Variants in CTBP2 observed in about 807,000 individuals in gnomAD.
CTBP2 encodes C-terminal-binding protein 2.
A neutral mutation model predicts 80.3 loss-of-function variants in CTBP2; 30 were observed. That is an observed-to-expected ratio of 0.37 (90% CI 0.28 to 0.51). The LOEUF is 0.51. Ranked by LOEUF, CTBP2 falls within the 20% of genes least tolerant of loss-of-function variation. The probability of loss-of-function intolerance (pLI) is 0.93; values close to 1 mark genes in which losing one functional copy is unlikely to be tolerated. For synonymous variants in CTBP2, 594 were observed against 587.4 expected (o/e 1.01, Z -0.16); for missense variants, 1,212 against 1,375.3 (o/e 0.88, Z 1.88).
Position 125,107,141 on chromosome 10 carries a change from G to A in CTBP2, c.-102+3849C>T, listed in dbSNP as rs545566029. 2.6e-5 allele frequency among the ~76,000 whole-genome samples: 4 copies of A among 152,206 alleles called. No individual in the cohort carries two copies. In the South Asian group the frequency reaches 6.2e-4, roughly 24 times the overall value. ...CCAAGCAAGAACCAAGAGCTTCAGC[G>A]GGGGCCCCTCCTCCCCTACTCCGAA... On this transcript the variant is annotated intron_variant, in intron 2 of 10. Coordinates refer to the CTBP2 transcript ENST00000337195.
chr10:125,155,264 C>T (rs1430813455), intron 1 of CTBP2, among the ~76,000 whole-genome samples: 1 of 152,224 alleles, frequency 6.6e-6, no homozygotes, highest in Non-Finnish European at 1.5e-5. Context: ...CCGTCCACAG[C>T]TCCTGAAGTT....
At chr10:125,105,526 C>T (rs1013056460) in intron 2 of CTBP2, among the ~76,000 whole-genome samples, 7 of 152,174 alleles carry the variant, frequency 4.6e-5, no homozygotes, top group African/African-American at 1.7e-4. Flanking sequence ...CACTTCTGAG[C>T]TATTTTATCA....
chr10:125,136,114 G>A (rs1351937486), intron 1 of CTBP2, among the ~76,000 whole-genome samples: 1 of 152,228 alleles, frequency 6.6e-6, no homozygotes, highest in South Asian at 2.1e-4. Context: ...GTAGGATTAA[G>A]CTGGGATCTT....
chr10:125,102,465 T>C (rs1850779212), intron 2 of CTBP2, among the ~76,000 whole-genome samples: 1 of 152,224 alleles, frequency 6.6e-6, no homozygotes, highest in Admixed American at 6.5e-5. Flanking sequence ...CAGAGAGGGC[T>C]TTCCGGCCTT....
At chr10:125,079,784 T>C (rs2135546163) in intron 2 of CTBP2, among the ~76,000 whole-genome samples, 1 of 152,374 alleles carries the variant, frequency 6.6e-6, no homozygotes, top group African/African-American at 2.4e-5. Context: ...ACTATTCCAA[T>C]GGAGAGTTTA....
At chr10:125,139,887 G>C (rs982070215) in intron 1 of CTBP2, among the ~76,000 whole-genome samples, 2 of 152,186 alleles carry the variant, frequency 1.3e-5, no homozygotes, top group African/African-American at 4.8e-5. Flanking sequence ...AAGGTCCCCA[G>C]ATCACCTTTC....
chr10:125,137,134 T>C (rs929948725), intron 1 of CTBP2, among the ~76,000 whole-genome samples: 7 of 152,162 alleles, frequency 4.6e-5, no homozygotes, highest in Admixed American at 2.6e-4. Flanking sequence ...AAAATCACAA[T>C]TCGCCAAGAT....
chr10:125,136,872 A>ATGTTT (rs1430395586), intron 1 of CTBP2, among the ~76,000 whole-genome samples: 1 of 152,142 alleles, frequency 6.6e-6, no homozygotes, highest in Non-Finnish European at 1.5e-5. Flanking sequence ...TGGTAACAGG[A>ATGTTT]TGTTTCCCTG....
intron 1 of CTBP2, among the ~76,000 whole-genome samples, chr10:125,020,969 T>A (rs936834926): frequency 2.0e-5 from 3 of 152,158 alleles, no homozygotes; most frequent in Non-Finnish European, 2.9e-5. Flanking sequence ...TGCACAAAAC[T>A]GAGGACCACA....
chr10:125,028,022 G>A lies in CTBP2; in HGVS notation c.-263C>T, dbSNP rs989829597. ...CTGTTCCTTACAGCTCAGTCCCGGA[G>A]AGGAGGCTGTCCCCAGCCTGCCAGG... On this transcript the variant is annotated 5_prime_UTR_variant, in exon 1 of 9. Transcript: ENST00000309035. 20 of 933,234 alleles carry A rather than the reference G, an allele frequency of 2.1e-5. No individual in the cohort carries two copies. Among genetic ancestry groups the A allele is most frequent in the African/African-American group, 3.4e-5 (2 of 59,682 alleles). The allele number at this position is 933,234 out of a possible 1,614,324, so 57.8% of individuals were successfully genotyped here. A position where few individuals can be genotyped will look rare whatever the true frequency, so the allele number is the denominator to read the frequency against.
chr10:125,047,023 T>A (rs1961429339), intron 2 of CTBP2, among the ~76,000 whole-genome samples: 1 of 152,358 alleles, frequency 6.6e-6, no homozygotes, highest in Admixed American at 6.5e-5. Flanking sequence ...GGAAATTAAG[T>A]GTTGGTCTTT....
intron 1 of CTBP2, among the ~76,000 whole-genome samples, chr10:125,119,056 T>G (rs1853860042): frequency 6.6e-6 from 1 of 152,116 alleles, no homozygotes; most frequent in African/African-American, 2.4e-5. Context: ...CCTGATAGGG[T>G]GACCAAGAGG....
chr10:125,076,189 G>C (rs1338719865), intron 2 of CTBP2, among the ~76,000 whole-genome samples: 1 of 152,052 alleles, frequency 6.6e-6, no homozygotes, highest in African/African-American at 2.4e-5. Context: ...TAACACCACA[G>C]GCAGCATCCA....
rs1261890453 is a variant in CTBP2 at position 124,987,696 on chromosome 10, C to T, written c.*1822G>A. ...TGGTAGAGTTGGGATGGGGCCACCA[C>T]CTTAAAATGAGTGAGCAGACAAGGC... On this transcript the variant is annotated 3_prime_UTR_variant, in exon 9 of 9. Coordinates refer to ENST00000309035, the MANE Select transcript of CTBP2 (RefSeq NM_022802.3). 1 of 152,244 alleles carries T rather than the reference C, an allele frequency of 6.6e-6. No individual in the cohort carries two copies. The highest frequency in any genetic ancestry group is 1.9e-4 in the East Asian group (1 of 5,178). 9.4% of individuals were successfully genotyped at this position (152,244 alleles called of 1,614,324 possible).
At chr10:125,014,102 G>A (rs1473258973) in intron 1 of CTBP2, among the ~76,000 whole-genome samples, 1 of 152,176 alleles carries the variant, frequency 6.6e-6, no homozygotes, top group Non-Finnish European at 1.5e-5. Flanking sequence ...CAGAACGGCG[G>A]AGAACAGAAG....
At chr10:125,061,724 C>G (rs1965009232) in intron 2 of CTBP2, among the ~76,000 whole-genome samples, 1 of 152,176 alleles carries the variant, frequency 6.6e-6, no homozygotes, top group Non-Finnish European at 1.5e-5. Flanking sequence ...GTGAGCTGGC[C>G]TGCATTCCTG....
At chr10:125,113,599 T>C (rs1400893113) in intron 1 of CTBP2, among the ~76,000 whole-genome samples, 1 of 152,198 alleles carries the variant, frequency 6.6e-6, no homozygotes, top group Non-Finnish European at 1.5e-5. Context: ...TAGTCCCTTT[T>C]GGAAAGGAAG....
In CTBP2 at chr10:124,989,686, G is replaced by A. The variant is rs1952323358; in HGVS notation, c.2790C>T (p.Gly930=). Residue 930 remains glycine (G), a synonymous_variant, in exon 9 of 9, where the codon GGC becomes GGT. Transcript: ENST00000309035. ...GTCCTCCTGGAGCCACACCCACGAT[G>A]CCTGGCGGATATCTAAGGAACACAC... The A allele has an allele frequency of 1.9e-6, 3 of 1,580,490 alleles. No homozygotes were observed. The highest frequency in any genetic ancestry group is 2.2e-5 in the East Asian group (1 of 44,592).
chr10:125,112,929 G>A (rs1852546685), intron 1 of CTBP2, among the ~76,000 whole-genome samples: 1 of 152,148 alleles, frequency 6.6e-6, no homozygotes, highest in Non-Finnish European at 1.5e-5. Context: ...AGAAAACCAT[G>A]CTCCCTGCTG....
Sources: allele counts gnomAD v4.1 joint callset (sites outside exome capture counted in the v4.1 genomes callset), GRCh38; gene constraint gnomAD v4.1.1; transcripts MANE v1.5; gene names NCBI Gene and HGNC (gene_info 2026-07-23, HGNC 2026-07-21).